DNAH14: variants seen among roughly 807,000 people sequenced by gnomAD.
DNAH14 encodes dynein axonemal heavy chain 14.
DNAH14 carries 478 observed loss-of-function variants against 520.9 expected under a neutral mutation model. The observed-to-expected ratio is 0.92, with a 90% CI of 0.85 to 0.99. DNAH14 has a LOEUF of 0.99. DNAH14 is among the 50% of genes least tolerant of loss of function. The pLI, the probability that DNAH14 is intolerant of heterozygous loss-of-function variation, is 0.00. For missense variants in DNAH14, 4,831 were observed against 5,234.5 expected (o/e 0.92, Z 2.38); for synonymous variants, 1,581 against 1,757.2 (o/e 0.90, Z 2.51).
At position 224,968,811 on chromosome 1, in the gene DNAH14, AATGG is replaced by A. The variant is rs1453690735; in HGVS notation, c.705_708del (p.Glu235AspfsTer22). The A allele has an allele frequency of 7.1e-6, 11 of 1,542,764 alleles. No individual in the cohort carries two copies. The South Asian group carries it at 1.3e-4, about 19-fold the overall frequency. ...GAAGTAGAACTCATACCTACTTTGG[AATGG>A]CTATCAGAAAGAAGACATTACTATT... On this transcript the variant is annotated frameshift_variant, in exon 7 of 86. Transcript: ENST00000682510. LOFTEE classifies it high-confidence loss of function.
intron 10 of DNAH14, among the ~76,000 whole-genome samples, chr1:225,018,398 G>C (rs180931105): frequency 3.0e-4 from 46 of 152,300 alleles, no homozygotes; most frequent in African/African-American, 1.1e-3. Context: ...TCTGTAAAGA[G>C]ATCAAACAGC....
intron 65 of DNAH14, among the ~76,000 whole-genome samples, chr1:225,332,648 G>A (rs917023729): frequency 2.6e-5 from 4 of 151,982 alleles, no homozygotes; most frequent in Non-Finnish European, 2.9e-5. Flanking sequence ...TGTTATTATT[G>A]TTGTTGTTGA....
intron 9 of DNAH14, among the ~76,000 whole-genome samples, chr1:225,005,412 T>C (rs1377974216): frequency 6.6e-6 from 1 of 152,114 alleles, no homozygotes; most frequent in Non-Finnish European, 1.5e-5. Context: ...GGAAAATTAT[T>C]GTGATATTGG....
At chr1:225,261,379 T>C (rs1056771712) in intron 46 of DNAH14, among the ~76,000 whole-genome samples, 2 of 152,190 alleles carry the variant, frequency 1.3e-5, no homozygotes, top group African/African-American at 4.8e-5. Flanking sequence ...GCTTCGTCTG[T>C]ATTTATTAAG....
chr1:225,074,069 G>A (rs563071307), intron 17 of DNAH14, among the ~76,000 whole-genome samples: 161 of 138,472 alleles, frequency 1.2e-3, no homozygotes, highest in Middle Eastern at 3.8e-3. Context: ...GTGGGATCTC[G>A]GCTCACTGCA....
Position 225,290,692 on chromosome 1 carries a change from T to TATATA in DNAH14, c.8469+612_8469+613insATAAT, listed in dbSNP as rs1553301362. ...ATATATATATATATATATATATATA[T>TATATA]ATTTCCTCCAAGTCTGTGGCTTGTC... is the stretch of plus-strand genomic sequence containing the variant. On this transcript the variant is annotated intron_variant, in intron 55 of 85. Transcript: ENST00000682510. 2.5e-5 allele frequency among the ~76,000 whole-genome samples: 3 copies of TATATA among 120,768 alleles called. No homozygotes were observed. In the East Asian group the frequency reaches 7.8e-4, roughly 31 times the overall value. The allele number at this position is 120,768 out of a possible 152,430, so 79.2% of individuals were successfully genotyped here.
intron 59 of DNAH14, among the ~76,000 whole-genome samples, chr1:225,308,007 T>C (rs1243062007): frequency 1.3e-5 from 2 of 152,224 alleles, no homozygotes; most frequent in African/African-American, 4.8e-5. Context: ...GGCAGACCAA[T>C]GGCAGAGAGC....
At chr1:224,968,954 T>C (rs2061350114) in intron 7 of DNAH14, 80 bp downstream of exon 7, 1 of 924,066 alleles carries the variant, frequency 1.1e-6, no homozygotes, top group Admixed American at 3.2e-5. Context: ...ATCTGGGTTC[T>C]ACTACAGTAA....
intron 17 of DNAH14, among the ~76,000 whole-genome samples, chr1:225,055,159 GA>G (rs1294798872): frequency 6.6e-6 from 1 of 151,808 alleles, no homozygotes; most frequent in Non-Finnish European, 1.5e-5. Context: ...CTGCTATTAA[GA>G]GGAAACAAAA....
intron 61 of DNAH14, among the ~76,000 whole-genome samples, chr1:225,320,946 A>T (rs2094545146): frequency 6.6e-6 from 1 of 152,198 alleles, no homozygotes; most frequent in African/African-American, 2.4e-5. Context: ...TCCTAGTATT[A>T]TATTCACATC....
chr1:225,036,823 G>A (rs2067008631), intron 11 of DNAH14, among the ~76,000 whole-genome samples: 1 of 152,160 alleles, frequency 6.6e-6, no homozygotes, highest in African/African-American at 2.4e-5. Flanking sequence ...AAGGGAGCTG[G>A]AACTTAAAGT....
Position 225,257,994 on chromosome 1 carries a change from C to T in DNAH14, c.6900C>T (p.Gly2300=), listed in dbSNP as rs763212430. ...TACTAACTAATCTTCAAAGATCTGG[C>T]GGAAACTTCTTGAAGATAACAGAAT... is the stretch of plus-strand genomic sequence containing the variant. ...TSLLTNLQRS[G]GNFLKITECG... Residue 2300 remains glycine, a synonymous_variant, in exon 45 of 86, where the codon GGC becomes GGT. Transcript: ENST00000682510. 2.5e-5 allele frequency: 38 copies of T among 1,548,096 alleles called. No individual in the cohort carries two copies. Among genetic ancestry groups the T allele is most frequent in the African/African-American group, 2.7e-5 (2 of 72,800 alleles).
At chr1:225,151,880 C>T (rs756203079) in intron 31 of DNAH14, 125 bp from the exon 32 acceptor site, 1 of 836,836 alleles carries the variant, frequency 1.2e-6, no homozygotes, top group South Asian at 1.5e-5. Flanking sequence ...TTGTTTTTTC[C>T]AGTGTGCTCT....
At chr1:225,382,203 G>A (rs1191604677) in intron 81 of DNAH14, among the ~76,000 whole-genome samples, 1 of 152,052 alleles carries the variant, frequency 6.6e-6, no homozygotes, top group Non-Finnish European at 1.5e-5. Context: ...AAACCACAAT[G>A]AGATACAACT....
At chr1:225,281,926 A>G (rs2093634800) in intron 54 of DNAH14, among the ~76,000 whole-genome samples, 1 of 152,054 alleles carries the variant, frequency 6.6e-6, no homozygotes, top group Admixed American at 6.6e-5. Flanking sequence ...ACTGTATTAT[A>G]TACTTGAAAT....
intron 9 of DNAH14, among the ~76,000 whole-genome samples, chr1:225,004,587 A>C (rs984390665): frequency 2.6e-5 from 4 of 152,208 alleles, no homozygotes; most frequent in African/African-American, 9.6e-5. Flanking sequence ...TAGGATTTCA[A>C]CCTGCCCATA....
intron 21 of DNAH14, among the ~76,000 whole-genome samples, chr1:225,091,925 AT>A (rs578064211): frequency 2.6e-5 from 4 of 152,084 alleles, no homozygotes; most frequent in Non-Finnish European, 5.9e-5. Flanking sequence ...TGCTATTCTA[AT>A]TTCAGAAAAA....
chr1:225,192,624 A>T, intron 37 of DNAH14, 72 bp from the exon 38 acceptor site: 2 of 1,096,752 alleles, frequency 1.8e-6, no homozygotes, highest in Non-Finnish European at 2.6e-6. Context: ...CCTTTTAATA[A>T]TAAGAATGCA....
chr1:225,240,938 A>G, intron 43 of DNAH14, 116 bp downstream of exon 43: 2 of 833,586 alleles, frequency 2.4e-6, no homozygotes, highest in South Asian at 2.1e-5. Context: ...AAGGAAAAAG[A>G]AGGTTTATAA....
Sources: gnomAD v4.1 joint callset for allele counts (sites outside exome capture counted in the v4.1 genomes callset) on GRCh38, gnomAD v4.1.1 for gene constraint, MANE v1.5 for transcripts, NCBI Gene and HGNC (gene_info 2026-07-23, HGNC 2026-07-21) for gene names.